CYFIP2: variants seen among roughly 807,000 people sequenced by gnomAD.
CYFIP2 encodes the protein cytoplasmic FMR1 interacting protein 2.
In CYFIP2, 29 loss-of-function variants were observed where a neutral mutation model predicts 158.7. The ratio of observed to expected loss-of-function variants is 0.18; its 90% CI spans 0.14 to 0.25. The LOEUF is 0.25. CYFIP2 is among the 10% of genes least tolerant of loss of function. CYFIP2 has a pLI of 1.00. For missense variants in CYFIP2, 852 were observed against 1,639.5 expected, an observed-to-expected ratio of 0.52 and a Z score of 8.29; for synonymous variants, 585 against 617.6, an observed-to-expected ratio of 0.95 and a Z score of 0.78.
chr5:157,319,645 C>A, intron 13 of CYFIP2, 117 bp from the exon 14 acceptor site: 1 of 1,294,270 alleles, frequency 7.7e-7, no homozygotes, highest in Non-Finnish European at 1.1e-6. Flanking sequence ...TTGAGTAGCA[C>A]TGGCCTCATG....
rs148198507 is a variant in CYFIP2, at chr5:157,287,763, A to G, written c.207+655A>G. Among the ~76,000 whole-genome samples, 10 of 152,294 alleles carry G rather than the reference A, an allele frequency of 6.6e-5. No individual in the cohort carries two copies. In the East Asian group the frequency reaches 1.5e-3, roughly 23 times the overall value. ...ATGTCTTAGCTCGTTTTGTGATGCTATAACAAGGAAACTGCAGACTGGATA... is the reference window on the plus strand; with the variant it reads ...ATGTCTTAGCTCGTTTTGTGATGCTGTAACAAGGAAACTGCAGACTGGATA... On this transcript the variant is annotated intron_variant, in intron 3 of 30. Coordinates refer to ENST00000620254, the MANE Select transcript of CYFIP2 (RefSeq NM_001037333.3).
At chr5:157,338,073 A>G (rs1761985057) in intron 21 of CYFIP2, among the ~76,000 whole-genome samples, 1 of 152,188 alleles carries the variant, frequency 6.6e-6, no homozygotes, top group African/African-American at 2.4e-5. Context: ...TCTACATAAG[A>G]CTGTACTTTG....
chr5:157,342,651 G>GT, intron 23 of CYFIP2: 1 of 509,760 alleles, frequency 2.0e-6, no homozygotes, highest in South Asian at 4.0e-5. Flanking sequence ...CGCTGCTGCT[G>GT]AGATGCCTCG....
At chr5:157,348,677 A>G (rs1962670) in intron 23 of CYFIP2, among the ~76,000 whole-genome samples, 71,314 of 151,942 alleles carry the variant, frequency 0.47, 18,495 homozygotes, top group African/African-American at 0.71. Flanking sequence ...CTCCCAAAGT[A>G]CTGGGATTAC....
At chr5:157,386,569 A>G (rs1170762715) in intron 28 of CYFIP2, among the ~76,000 whole-genome samples, 1 of 152,176 alleles carries the variant, frequency 6.6e-6, no homozygotes, top group Non-Finnish European at 1.5e-5. Context: ...TTGACCCTTC[A>G]GTTACTAAGT....
rs368390696 is a variant in CYFIP2, at chr5:157,304,225, C to T, written c.667-13C>T. 1.4e-5 allele frequency: 22 copies of T among 1,609,488 alleles called. No homozygotes were observed. The highest frequency in any genetic ancestry group is 5.0e-5 in the Admixed American group (3 of 59,476). The stretch of plus-strand genomic sequence containing the variant: ...CATGCGCTGCCTAACCTGAGGGTGG[C>T]GCTGCTGTTCAGTGTCTCCACCAGC... On this transcript the variant is annotated splice_polypyrimidine_tract_variant and intron_variant, in intron 7 of 30. Coordinates refer to ENST00000620254, the MANE Select transcript of CYFIP2 (RefSeq NM_001037333.3).
intron 26 of CYFIP2, among the ~76,000 whole-genome samples, chr5:157,378,186 A>C (rs142751167): frequency 1.1e-3 from 164 of 152,346 alleles, no homozygotes; most frequent in Non-Finnish European, 2.0e-3. Flanking sequence ...GAATAACATC[A>C]ACAGATTTAT....
chr5:157,352,316 A>G (rs1417599765), intron 23 of CYFIP2, among the ~76,000 whole-genome samples: 2 of 152,152 alleles, frequency 1.3e-5, no homozygotes, highest in African/African-American at 2.4e-5. Flanking sequence ...TTGTTAAATC[A>G]TATCCTTAGG....
chr5:157,366,232 C>T (rs1764360054), intron 26 of CYFIP2, among the ~76,000 whole-genome samples: 1 of 152,152 alleles, frequency 6.6e-6, no homozygotes, highest in African/African-American at 2.4e-5. Context: ...GCCATTTGGA[C>T]ACCATCTTTT....
intron 29 of CYFIP2, 45 bp from the exon 30 acceptor site, chr5:157,390,476 C>A: frequency 6.0e-6 from 9 of 1,497,664 alleles, no homozygotes; most frequent in Non-Finnish European, 8.1e-6. Context: ...CCCTGCCCTC[C>A]TCCCCCGACC....
chr5:157,327,431 G>C (rs915695355), intron 18 of CYFIP2, among the ~76,000 whole-genome samples: 1 of 152,054 alleles, frequency 6.6e-6, no homozygotes, highest in African/African-American at 2.4e-5. Flanking sequence ...CAGGCATGGT[G>C]GTGGGTGCCT....
intron 6 of CYFIP2, among the ~76,000 whole-genome samples, chr5:157,301,786 G>A (rs1327734896): frequency 6.6e-6 from 1 of 152,148 alleles, no homozygotes; most frequent in Non-Finnish European, 1.5e-5. Flanking sequence ...AAACAAAAAA[G>A]AGGACTGAAA....
chr5:157,329,871 G>A (rs867362849), intron 19 of CYFIP2, among the ~76,000 whole-genome samples: 2 of 152,300 alleles, frequency 1.3e-5, no homozygotes, highest in Middle Eastern at 3.4e-3. Flanking sequence ...GTGCCTTTTA[G>A]TTATGTCTAG....
intron 5 of CYFIP2, among the ~76,000 whole-genome samples, chr5:157,299,136 C>T (rs527994517): frequency 6.8e-6 from 1 of 146,528 alleles, no homozygotes; most frequent in African/African-American, 2.5e-5. Flanking sequence ...TTTAAATACC[C>T]TCTTAACTAT....
chr5:157,372,954 G>A (rs558877281), intron 26 of CYFIP2, among the ~76,000 whole-genome samples: 1 of 152,190 alleles, frequency 6.6e-6, no homozygotes, highest in Non-Finnish European at 1.5e-5. Context: ...CTCTGTTTAA[G>A]AGAAATGTCT....
chr5:157,328,913 A>G (rs1761236668), intron 19 of CYFIP2, among the ~76,000 whole-genome samples: 1 of 152,176 alleles, frequency 6.6e-6, no homozygotes, highest in Non-Finnish European at 1.5e-5. Context: ...CTTGGGTTTC[A>G]AGGACCTGTA....
At chr5:157,283,155 G>T (rs528463713) in intron 1 of CYFIP2, among the ~76,000 whole-genome samples, 2 of 152,310 alleles carry the variant, frequency 1.3e-5, no homozygotes, top group South Asian at 4.1e-4. Context: ...GCCAGCACTT[G>T]ATCCTATGAA....
At position 157,390,669 on chromosome 5, in the gene CYFIP2, G is replaced by C; in HGVS notation, c.3594+1G>C. ...GAAGGATGAAATCATTAAGAATGTG[G>C]TGAGCAGGCTGGTGGCTAAGGCCTG... On this transcript the variant is annotated splice_donor_variant, in intron 30 of 30. Transcript: ENST00000620254. LOFTEE classifies it high-confidence loss of function. The C allele has an allele frequency of 6.3e-7, 1 of 1,583,734 alleles. No individual in the cohort carries two copies. The highest frequency in any genetic ancestry group is 8.6e-7 in the Non-Finnish European group (1 of 1,164,542).
intron 1 of CYFIP2, chr5:157,269,235 A>C (rs1755875891): frequency 6.6e-6 from 1 of 151,950 alleles, no homozygotes; most frequent in Non-Finnish European, 1.5e-5. Context: ...TCAGGTGGGA[A>C]GTGCTCTTAA....
Sources: allele counts gnomAD v4.1 joint callset (sites outside exome capture counted in the v4.1 genomes callset), GRCh38; gene constraint gnomAD v4.1.1; transcripts MANE v1.5; gene names NCBI Gene and HGNC (gene_info 2026-07-23, HGNC 2026-07-21).